CD4: variants seen among roughly 807,000 people sequenced by gnomAD.
The protein encoded by CD4 is CD4 molecule.
CD4 carries 25 observed loss-of-function variants against 50.5 expected under a neutral mutation model. That is an observed-to-expected ratio of 0.49 (90% CI 0.36 to 0.69). The LOEUF (loss-of-function observed/expected upper bound fraction) is 0.69. Among genes scored for constraint, CD4 ranks in the 30% least tolerant of loss-of-function variants. CD4 has a pLI of 0.00. For missense variants in CD4, 456 were observed against 548.5 expected, an observed-to-expected ratio of 0.83 and a Z score of 1.68; for synonymous variants, 207 against 221.9, an observed-to-expected ratio of 0.93 and a Z score of 0.60.
intron 3 of CD4, among the ~76,000 whole-genome samples, chr12:6,810,525 A>C (rs1591557352): frequency 6.6e-6 from 1 of 152,352 alleles, no homozygotes; most frequent in East Asian, 1.9e-4. Context: ...CAATCTGCAG[A>C]GCTGACTGGG....
At position 6,818,426 on chromosome 12, in the gene CD4, C is replaced by T; in HGVS notation, c.1162C>T (p.Pro388Ser). 2 of 1,612,504 alleles carry T rather than the reference C, an allele frequency of 1.2e-6. No homozygotes were observed. The highest frequency in any genetic ancestry group is 2.2e-5 in the East Asian group (1 of 44,890). ...CACATTTCTCTCCCTTGCAGTTCTG[C>T]CCACATGGTCCACCCCGGTGCAGCC... is the stretch of plus-strand genomic sequence containing the variant. Reference protein sequence around the residue: ...VLLESNIKVLPTWSTPVQPMA... With the variant: ...VLLESNIKVLSTWSTPVQPMA... The change falls in exon 8 of 10, where the codon CCC becomes TCC. Residue 388 changes from proline to serine, a missense_variant. Physicochemically the swap from Pro to Ser is moderately conservative, Grantham distance 74. Transcript: ENST00000011653. The surrounding 1 kb of genome is among the most constrained non-coding windows in gnomAD (Gnocchi z 5.0).
chr12:6,819,223 AG>A, intron 9 of CD4, 75 bp from the exon 10 acceptor site: 1 of 1,427,240 alleles, frequency 7.0e-7, no homozygotes, highest in South Asian at 1.1e-5. Context: ...TGCGCTGGAA[AG>A]GCCATTGGAG....
At chr12:6,809,751 C>A (rs782740174) in intron 3 of CD4, among the ~76,000 whole-genome samples, 2 of 152,144 alleles carry the variant, frequency 1.3e-5, no homozygotes, top group Admixed American at 1.3e-4. Context: ...ACCCTCTCAG[C>A]GCCACTGCTC....
At position 6,820,115 on chromosome 12, in the gene CD4, T is replaced by G. The variant is rs1374776109; in HGVS notation, c.*786T>G. The G allele has an allele frequency of 6.6e-6, 1 of 152,306 alleles. No homozygotes were observed. Among genetic ancestry groups the G allele is most frequent in the East Asian group, 1.9e-4 (1 of 5,192 alleles). The allele number at this position is 152,306 out of a possible 1,614,324, so 9.4% of individuals were successfully genotyped here. On this transcript the variant is annotated 3_prime_UTR_variant, in exon 10 of 10. Transcript: ENST00000011653. ...CCAGGTCCCTTGTCCCAAGTTCCACTGCTGCCTCTTGAATGCAGGGACAAA... is the reference window on the plus strand; with the variant it reads ...CCAGGTCCCTTGTCCCAAGTTCCACGGCTGCCTCTTGAATGCAGGGACAAA...
At position 6,815,100 on chromosome 12, in the gene CD4, G is replaced by A. The variant is rs782704721; in HGVS notation, c.607+108G>A. Reference sequence around the variant, plus strand: ...TGGTTCTGGTGCTGGGAGGTCAGGAGTGGAGAAGACTAGGTCCCCTAGAGC... The same window carrying A: ...TGGTTCTGGTGCTGGGAGGTCAGGAATGGAGAAGACTAGGTCCCCTAGAGC... On this transcript the variant is annotated intron_variant, in intron 5 of 9. Transcript: ENST00000011653. 9.0e-6 allele frequency: 7 copies of A among 779,288 alleles called. No individual in the cohort carries two copies. The Admixed American group carries it at 1.4e-4, about 15-fold the overall frequency. 48.3% of individuals were successfully genotyped at this position (779,288 alleles called of 1,614,324 possible).
At chr12:6,803,654 G>C (rs782020065) in intron 3 of CD4, among the ~76,000 whole-genome samples, 82 of 150,440 alleles carry the variant, frequency 5.5e-4, no homozygotes, top group African/African-American at 1.5e-3. Flanking sequence ...GCGTGGTGGC[G>C]GGCACTTGTA....
intron 1 of CD4, chr12:6,798,779 G>GCC (rs1942453490): frequency 6.6e-6 from 1 of 152,336 alleles, no homozygotes; most frequent in Non-Finnish European, 1.5e-5. Context: ...TGCTGACCAG[G>GCC]ATGGTTGCAG....
chr12:6,813,967 A>T, intron 3 of CD4, 175 bp from the exon 4 acceptor site: 1 of 604,686 alleles, frequency 1.7e-6, no homozygotes, highest in East Asian at 2.6e-5. Context: ...TGTCCCAGCC[A>T]GGTAAATGGA....
Position 6,816,566 on chromosome 12 carries a change from G to A in CD4, c.955+163G>A, listed in dbSNP as rs1943089513. Among the ~76,000 whole-genome samples the A allele has an allele frequency of 6.6e-6, 1 of 152,222 alleles. No homozygotes were observed. The highest frequency in any genetic ancestry group is 1.5e-5 in the Non-Finnish European group (1 of 68,036). On this transcript the variant is annotated intron_variant, in intron 6 of 9. Coordinates refer to ENST00000011653, the MANE Select transcript of CD4 (RefSeq NM_000616.5). This position sits in a 1 kb window ranked among gnomAD's most constrained non-coding sequence, Gnocchi z 4.9. ...CTGGGTTTGGGGCTGGTTTTGAACT[G>A]AGACATCCATGAGCCAGCCTGGGGC...
intron 6 of CD4, 67 bp from the exon 7 acceptor site, chr12:6,817,063 T>C: frequency 1.5e-6 from 2 of 1,377,474 alleles, no homozygotes; most frequent in Non-Finnish European, 2.1e-6. Context: ...GTCACCCATA[T>C]AGAGTATCAT....
chr12:6,817,774 C>A (rs1358041748), intron 7 of CD4, among the ~76,000 whole-genome samples: 1 of 146,394 alleles, frequency 6.8e-6, no homozygotes, highest in Non-Finnish European at 1.5e-5. Context: ...ACACACACAT[C>A]CACACTCACA....
At chr12:6,800,554 A>AT in intron 3 of CD4, 83 bp downstream of exon 3, 1 of 1,242,754 alleles carries the variant, frequency 8.0e-7, no homozygotes, top group East Asian at 2.4e-5. Context: ...GGTCTTAGTT[A>AT]AACTCTGGGA....
chr12:6,800,752 T>C (rs1226407539), intron 3 of CD4, among the ~76,000 whole-genome samples: 1 of 152,056 alleles, frequency 6.6e-6, no homozygotes, highest in African/African-American at 2.4e-5. Context: ...TCTTGAGTAT[T>C]GTTGCTACAG....
At chr12:6,811,850 C>A (rs1427841697) in intron 3 of CD4, among the ~76,000 whole-genome samples, 4 of 151,862 alleles carry the variant, frequency 2.6e-5, no homozygotes, top group African/African-American at 9.7e-5. Flanking sequence ...CACTCTGTTG[C>A]CCAGGCTGGA....
At chr12:6,794,862 G>A (rs2137839431) in intron 1 of CD4, among the ~76,000 whole-genome samples, 1 of 140,920 alleles carries the variant, frequency 7.1e-6, no homozygotes, top group East Asian at 2.2e-4. Context: ...TCAGCTCACT[G>A]CTGAACCTCC....
At chr12:6,815,015 C>A in intron 5 of CD4, 23 bp downstream of exon 5, 2 of 1,512,392 alleles carry the variant, frequency 1.3e-6, no homozygotes, top group Non-Finnish European at 1.8e-6. Flanking sequence ...CCTCTTCGCG[C>A]AGTCTCCTCC....
chr12:6,804,550 C>T (rs1942668041), intron 3 of CD4, among the ~76,000 whole-genome samples: 1 of 152,136 alleles, frequency 6.6e-6, no homozygotes, highest in Non-Finnish European at 1.5e-5. Flanking sequence ...CATGTGTACA[C>T]AGAAATTAAA....
chr12:6,809,950 C>T (rs1025576606), intron 3 of CD4, among the ~76,000 whole-genome samples: 5 of 141,862 alleles, frequency 3.5e-5, no homozygotes, highest in Admixed American at 2.3e-4. Context: ...AGTGCAGTGG[C>T]GCGATCTCGG....
rs1555115071 is a variant in CD4 at position 6,800,420 on chromosome 12, A to C, written c.163A>C (p.Asn55His). Residue 55 changes from asparagine (N) to histidine (H), a missense_variant, in exon 3 of 10, where the codon AAC becomes CAC. Asn to His is a moderately conservative substitution (Grantham distance 68, BLOSUM62 1). Transcript: ENST00000011653. The stretch of plus-strand genomic sequence containing the variant: ...GAAGAGCATACAATTCCACTGGAAA[A>C]ACTCCAACCAGATAAAGATTCTGGG... The part of the protein sequence containing the change: ...QKKSIQFHWK[N>H]SNQIKILGNQ... 3 of 1,614,152 alleles carry C rather than the reference A, an allele frequency of 1.9e-6. No homozygotes were observed.
Sources: allele counts gnomAD v4.1 joint callset (sites outside exome capture counted in the v4.1 genomes callset), GRCh38; gene constraint gnomAD v4.1.1; non-coding constraint Gnocchi (gnomAD v3.1); transcripts MANE v1.5; gene names NCBI Gene and HGNC (gene_info 2026-07-23, HGNC 2026-07-21).